The following USF2 variants were observed in gnomAD, a reference collection of about 807,000 sequenced individuals.
USF2 encodes the protein upstream transcription factor 2, c-fos interacting, also known as upstream stimulatory factor 2.
In USF2, 16 loss-of-function variants were observed where a neutral mutation model predicts 46.9. The ratio of observed to expected loss-of-function variants is 0.34; its 90% CI spans 0.23 to 0.52. The LOEUF (loss-of-function observed/expected upper bound fraction) is 0.52. Ranked by LOEUF, USF2 falls within the 20% of genes least tolerant of loss-of-function variation. The pLI is 0.96. For synonymous variants in USF2, 239 were observed against 194.1 expected, an observed-to-expected ratio of 1.23 and a Z score of -1.92; for missense variants, 411 against 474.0, an observed-to-expected ratio of 0.87 and a Z score of 1.23.
chr19:35,276,701 C>G (rs995335783), intron 7 of USF2, among the ~76,000 whole-genome samples: 1 of 152,226 alleles, frequency 6.6e-6, no homozygotes, highest in African/African-American at 2.4e-5. Flanking sequence ...CTCTCAGAAA[C>G]CAGCCCGAAT....
intron 7 of USF2, among the ~76,000 whole-genome samples, chr19:35,272,852 T>C (rs1008579911): frequency 2.0e-5 from 3 of 151,956 alleles, no homozygotes; most frequent in Non-Finnish European, 2.9e-5. Context: ...GGTTTTGAGA[T>C]GCAGTGAGTT....
At chr19:35,272,397 G>T (rs1277677097) in intron 7 of USF2, among the ~76,000 whole-genome samples, 1 of 152,050 alleles carries the variant, frequency 6.6e-6, no homozygotes, top group Non-Finnish European at 1.5e-5. Flanking sequence ...GATCCCTGAA[G>T]CGACCTGAGG....
intron 7 of USF2, chr19:35,276,941 G>GT (rs2066242246): frequency 6.6e-6 from 1 of 152,354 alleles, no homozygotes; most frequent in African/African-American, 2.4e-5. Context: ...AGGGCGGGGA[G>GT]TAGGTGTGTA....
chr19:35,278,492 G>T, intron 7 of USF2: 1 of 581,074 alleles, frequency 1.7e-6, no homozygotes, highest in South Asian at 2.1e-5. Flanking sequence ...TGTGGCACTG[G>T]AGGGCCCACG....
chr19:35,278,875 G>A (rs750071672), intron 8 of USF2, 71 bp from the exon 9 acceptor site: 61 of 1,601,180 alleles, frequency 3.8e-5, no homozygotes, highest in Middle Eastern at 3.4e-4. Flanking sequence ...CATGGGGCTC[G>A]GGAGTCATCC....
rs780699833 is a variant in USF2, at chr19:35,278,826, T to G, written c.822+34T>G. The stretch of plus-strand genomic sequence containing the variant: ...CCCGGACCCTCAGTGTCTGCGGTGG[T>G]CCCGGCCCCCGACCCTTGCATGCAG... On this transcript the variant is annotated intron_variant, in intron 8 of 9. Transcript: ENST00000222305. 1.9e-6 allele frequency: 3 copies of G among 1,612,432 alleles called. No homozygotes were observed. In the African/African-American group the frequency reaches 4.0e-5, roughly 22 times the overall value.
At position 35,269,860 on chromosome 19, in the gene USF2, G is replaced by C; in HGVS notation, c.286G>C (p.Ala96Pro). The C allele has an allele frequency of 7.0e-7, 1 of 1,427,350 alleles. No homozygotes were observed. The highest frequency in any genetic ancestry group is 9.1e-7 in the Non-Finnish European group (1 of 1,099,148). The allele number at this position is 1,427,350 out of a possible 1,614,324, so 88.4% of individuals were successfully genotyped here. The stretch of plus-strand genomic sequence containing the variant: ...TCAGCTGGACGGCCAGGGCGACACA[G>C]CTGGCGCCGTCAGCGTCGTGTCCAC... ...DGQLDGQGDT[A>P]GAVSVVSTAA... Residue 96 changes from alanine to proline, a missense_variant, in exon 4 of 10, where the codon GCT becomes CCT. Around this residue, in one of 2 missense-constraint regions of USF2, gnomAD observed 318 missense variants for 322.4 expected, o/e 0.99. Transcript: ENST00000222305.
intron 7 of USF2, chr19:35,275,141 G>C (rs1037836336): frequency 6.6e-6 from 1 of 152,098 alleles, no homozygotes; most frequent in Non-Finnish European, 1.5e-5. Flanking sequence ...CTGCCTCCCC[G>C]GTTCAAGTGA....
intron 7 of USF2, among the ~76,000 whole-genome samples, chr19:35,271,817 C>T (rs2066160891): frequency 6.6e-6 from 1 of 152,214 alleles, no homozygotes; most frequent in Non-Finnish European, 1.5e-5. Context: ...AGGCCCTGTG[C>T]CAGGTCTGGA....
intron 7 of USF2, among the ~76,000 whole-genome samples, chr19:35,273,646 C>T (rs2066190120): frequency 6.6e-6 from 1 of 152,210 alleles, no homozygotes; most frequent in Admixed American, 6.5e-5. Flanking sequence ...CAGCCTTGAC[C>T]TCCCAGGCTC....
In USF2 at chr19:35,271,257, C is replaced by T. The variant is rs1423353362; in HGVS notation, c.727+116C>T. On this transcript the variant is annotated intron_variant, in intron 7 of 9. Coordinates refer to ENST00000222305, the MANE Select transcript of USF2 (RefSeq NM_003367.4). ...ACTCCTGGGCAGGCCACAAGTGCTC[C>T]AGAGGGCTTTGCTGGACGCTGTAAA... 2.4e-6 allele frequency: 3 copies of T among 1,246,990 alleles called. No individual in the cohort carries two copies. In the Admixed American group the frequency reaches 6.4e-5, roughly 27 times the overall value. 77.2% of individuals were successfully genotyped at this position (1,246,990 alleles called of 1,614,324 possible). A position where few individuals can be genotyped will look rare whatever the true frequency, so the allele number is the denominator to read the frequency against.
intron 7 of USF2, among the ~76,000 whole-genome samples, chr19:35,271,575 G>A (rs1359326077): frequency 6.6e-6 from 1 of 152,222 alleles, no homozygotes; most frequent in African/African-American, 2.4e-5. Context: ...CACATCTGAG[G>A]GAGAAACTGC....
rs186579004 is a variant in USF2, at chr19:35,279,712, G to C, written c.*456G>C. The C allele has an allele frequency of 6.7e-4, 120 of 179,850 alleles. No homozygotes were observed. Among genetic ancestry groups the C allele is most frequent in the African/African-American group, 2.7e-3 (115 of 42,720 alleles). 11.1% of individuals were successfully genotyped at this position (179,850 alleles called of 1,614,324 possible). A position where few individuals can be genotyped will look rare whatever the true frequency, so the allele number is the denominator to read the frequency against. ...GTTTCTGGGTCCCTGCTCCCCTTTG[G>C]GGGTGTGTGTGTGTGTTTTAATTTT... On this transcript the variant is annotated 3_prime_UTR_variant, in exon 10 of 10. Transcript: ENST00000222305.
At chr19:35,270,207 G>T in intron 4 of USF2, 1 of 865,494 alleles carries the variant, frequency 1.2e-6, no homozygotes, top group Non-Finnish European at 1.7e-6. Flanking sequence ...CGCAAAATGG[G>T]AATGATGTGT....
rs2066272728 is a variant in USF2 at position 35,278,965 on chromosome 19, C to T, written c.842C>T (p.Ser281Phe). 1 of 1,554,202 alleles carries T rather than the reference C, an allele frequency of 6.4e-7. No individual in the cohort carries two copies. The highest frequency in any genetic ancestry group is 8.7e-7 in the Non-Finnish European group (1 of 1,149,566). The change falls in exon 9 of 10, where the codon TCC becomes TTC. Residue 281 changes from serine to phenylalanine, a missense_variant. Physicochemically the swap from Ser to Phe is radical, Grantham distance 155. Around this residue, in one of 2 missense-constraint regions of USF2, gnomAD observed 93 missense variants for 151.6 expected, o/e 0.61. Transcript: ENST00000222305. Reference sequence around the variant, plus strand: ...CCCCAGAGTAAAGGAGGGATCCTGTCCAAGGCCTGCGATTACATCCGGGAG... The same window carrying T: ...CCCCAGAGTAAAGGAGGGATCCTGTTCAAGGCCTGCGATTACATCCGGGAG... ...KTGASKGGIL[S>F]KACDYIRELR... is the part of the protein sequence containing the mutation.
intron 7 of USF2, among the ~76,000 whole-genome samples, chr19:35,271,525 C>T (rs933390051): frequency 1.6e-4 from 25 of 152,326 alleles, no homozygotes; most frequent in Admixed American, 1.4e-3. Context: ...CACTCCCATG[C>T]CTGCCTGGCC....
rs144362243 is a variant in USF2, at chr19:35,272,178, G to A, written c.727+1037G>A. ...ATACTACGACCAGCCCCCCTTTTGCGTCCTCAGATATGGCAATGCAGCAGA... is the reference window on the plus strand; with the variant it reads ...ATACTACGACCAGCCCCCCTTTTGCATCCTCAGATATGGCAATGCAGCAGA... On this transcript the variant is annotated intron_variant, in intron 7 of 9. Transcript: ENST00000222305. Among the ~76,000 whole-genome samples, 24 of 152,242 alleles carry A rather than the reference G, an allele frequency of 1.6e-4. No individual in the cohort carries two copies. In the East Asian group the frequency reaches 2.5e-3, roughly 16 times the overall value.
intron 7 of USF2, chr19:35,278,258 A>T (rs1240563300): frequency 1.8e-5 from 3 of 165,636 alleles, no homozygotes; most frequent in Non-Finnish European, 3.9e-5. Flanking sequence ...GCAGGAGCCA[A>T]AAAGGGGCAC....
chr19:35,271,261 G>C, intron 7 of USF2, 120 bp downstream of exon 7: 1 of 1,146,960 alleles, frequency 8.7e-7, no homozygotes, highest in Non-Finnish European at 1.3e-6. Flanking sequence ...GTGCTCCAGA[G>C]GGCTTTGCTG....
Sources: gnomAD v4.1 joint callset for allele counts (sites outside exome capture counted in the v4.1 genomes callset) on GRCh38, gnomAD v4.1.1 for gene constraint, gnomAD v4.1.1 regional missense constraint, MANE v1.5 for transcripts, NCBI Gene and HGNC (gene_info 2026-07-23, HGNC 2026-07-21) for gene names.